The following SHANK2 variants were observed in gnomAD, a reference collection of about 807,000 sequenced individuals.
SHANK2 encodes the protein SH3 and multiple ankyrin repeat domains 2, also known as SH3 and multiple ankyrin repeat domains protein 2.
SHANK2 carries 43 observed loss-of-function variants against 133.7 expected under a neutral mutation model. The observed-to-expected ratio is 0.32, with a 90% confidence interval of 0.25 to 0.41. The LOEUF (loss-of-function observed/expected upper bound fraction) is 0.41, where lower values mean the gene tolerates loss of function less well. Ranked by LOEUF, SHANK2 falls within the 10% of genes least tolerant of loss-of-function variation. The pLI is 1.00. For missense variants in SHANK2, 1,994 were observed against 2,235.8 expected (o/e 0.89, Z 2.18); for synonymous variants, 1,017 against 952.8 (o/e 1.07, Z -1.24).
chr11:71,220,227 C>T (rs1263422629), intron 2 of SHANK2, among the ~76,000 whole-genome samples: 2 of 151,950 alleles, frequency 1.3e-5, no homozygotes. Context: ...AGAGTGAGAC[C>T]CAGTCTCAAA....
intron 2 of SHANK2, among the ~76,000 whole-genome samples, chr11:71,220,979 T>C (rs1413562741): frequency 6.6e-6 from 1 of 152,120 alleles, no homozygotes; most frequent in East Asian, 1.9e-4. Flanking sequence ...GGCAGGTGGA[T>C]CACTTGAGGT....
chr11:71,186,689 C>G (rs556973509), intron 2 of SHANK2, among the ~76,000 whole-genome samples: 9 of 152,354 alleles, frequency 5.9e-5, no homozygotes, highest in Non-Finnish European at 1.5e-5. Flanking sequence ...GAAGTTCCCT[C>G]CAAAGTGGAG....
rs556412006 is a variant in SHANK2 at position 70,486,822 on chromosome 11, G to A, written c.3471C>T (p.Phe1157=). 22 of 1,612,570 alleles carry A rather than the reference G, an allele frequency of 1.4e-5. 1 individual carries two copies. In the Admixed American group the frequency reaches 1.5e-4, roughly 11 times the overall value. ...SATPREPENH[F]VGGAEASAPG... ...GAGCACTGGCCTCGGCGCCACCCAC[G>A]AAATGGTTTTCGGGCTCCCTGGGCG... Residue 1157 remains phenylalanine, a synonymous_variant, in exon 25 of 26, where the codon TTC becomes TTT. Transcript: ENST00000601538. The surrounding 1 kb of genome is among the most constrained non-coding windows in gnomAD (Gnocchi z 8.0).
chr11:70,505,350 T>G (rs1565080105), intron 17 of SHANK2, among the ~76,000 whole-genome samples: 1 of 151,130 alleles, frequency 6.6e-6, no homozygotes, highest in Non-Finnish European at 1.5e-5. Flanking sequence ...CAAACACACG[T>G]GGGGGGGCAC....
intron 11 of SHANK2, among the ~76,000 whole-genome samples, chr11:70,860,137 A>T (rs1185512251): frequency 6.6e-6 from 1 of 152,138 alleles, no homozygotes; most frequent in Non-Finnish European, 1.5e-5. Context: ...TTCTCTCAGA[A>T]GCCTCTTTGC....
chr11:70,489,979 A>ACC, intron 23 of SHANK2: 1 of 178,808 alleles, frequency 5.6e-6, no homozygotes, highest in Admixed American at 8.8e-5. Flanking sequence ...CACCCCGCCC[A>ACC]CCCTCCCGCT....
chr11:71,062,172 T>A (rs1482390791), intron 9 of SHANK2, among the ~76,000 whole-genome samples: 1 of 152,052 alleles, frequency 6.6e-6, no homozygotes, highest in East Asian at 1.9e-4. Context: ...CCCAGGCTGG[T>A]CTCCATCTCC....
intron 14 of SHANK2, among the ~76,000 whole-genome samples, chr11:70,716,718 G>A (rs770803630): frequency 2.0e-5 from 3 of 152,224 alleles, no homozygotes; most frequent in Admixed American, 6.5e-5. Flanking sequence ...GATTCTACAC[G>A]TCGCTGACAA....
chr11:70,529,277 T>A (rs1213665865), intron 17 of SHANK2, among the ~76,000 whole-genome samples: 1 of 152,184 alleles, frequency 6.6e-6, no homozygotes, highest in Non-Finnish European at 1.5e-5. Context: ...AGCAGCCCTG[T>A]CAGCAGCCAC....
At chr11:70,616,474 C>T (rs1025751092) in intron 17 of SHANK2, among the ~76,000 whole-genome samples, 3 of 152,012 alleles carry the variant, frequency 2.0e-5, no homozygotes, top group Non-Finnish European at 4.4e-5. Flanking sequence ...CCGAGGAGGG[C>T]GCTGGGTGGT....
In SHANK2 at chr11:70,787,409, A is replaced by G. The variant is rs543644672; in HGVS notation, c.1777+11034T>C. On this transcript the variant is annotated intron_variant, in intron 14 of 25. Transcript: ENST00000601538. Reference sequence around the variant, plus strand: ...TAGGATCACCACTATCATCACCGTGACCACCACCACCACCAGCATCACCAC... The same window carrying G: ...TAGGATCACCACTATCATCACCGTGGCCACCACCACCACCAGCATCACCAC... Among the ~76,000 whole-genome samples, 1,244 of 147,756 alleles carry G rather than the reference A, an allele frequency of 8.4e-3. 8 individuals carry two copies. The highest frequency in any genetic ancestry group is 0.03 in the African/African-American group (1,156 of 39,110).
At chr11:70,512,462 T>C (rs1433645117) in intron 17 of SHANK2, among the ~76,000 whole-genome samples, 2 of 152,248 alleles carry the variant, frequency 1.3e-5, no homozygotes, top group African/African-American at 2.4e-5. Context: ...TTAAACTCTA[T>C]AGTATACTAT....
At chr11:70,609,022 A>C (rs2060618657) in intron 17 of SHANK2, among the ~76,000 whole-genome samples, 1 of 152,222 alleles carries the variant, frequency 6.6e-6, no homozygotes, top group African/African-American at 2.4e-5. Context: ...AAACCCTGGG[A>C]TGAAACGGGA....
chr11:70,607,190 G>T (rs1554992723), intron 17 of SHANK2, among the ~76,000 whole-genome samples: 2 of 152,256 alleles, frequency 1.3e-5, no homozygotes, highest in South Asian at 2.1e-4. Context: ...GGTCTGGGAA[G>T]AATGTGGCTC....
At chr11:70,904,966 G>A (rs527381762) in intron 10 of SHANK2, among the ~76,000 whole-genome samples, 1 of 152,278 alleles carries the variant, frequency 6.6e-6, no homozygotes, top group South Asian at 2.1e-4. Flanking sequence ...TTTCTTCCCA[G>A]TCTCAGGTAT....
chr11:71,217,318 C>T (rs1954433745), intron 2 of SHANK2, among the ~76,000 whole-genome samples: 1 of 152,000 alleles, frequency 6.6e-6, no homozygotes, highest in Non-Finnish European at 1.5e-5. Context: ...CCAGCCTGGC[C>T]AACATGGAGA....
rs1953428525 is a variant in SHANK2, at chr11:71,175,740, G to A, written c.-12-28402C>T. Among the ~76,000 whole-genome samples the A allele has an allele frequency of 6.6e-6, 1 of 152,160 alleles. No homozygotes were observed. Among genetic ancestry groups the A allele is most frequent in the African/African-American group, 2.4e-5 (1 of 41,440 alleles). Reference sequence around the variant, plus strand: ...AATAACATATATTTTCAAAGTATAGGACAGGATGCACAGGAGAGAGGAAAT... The same window carrying A: ...AATAACATATATTTTCAAAGTATAGAACAGGATGCACAGGAGAGAGGAAAT... On this transcript the variant is annotated intron_variant, in intron 2 of 25. Transcript: ENST00000601538. This position sits in a 1 kb window ranked among gnomAD's most constrained non-coding sequence, Gnocchi z 4.2.
intron 24 of SHANK2, among the ~76,000 whole-genome samples, chr11:70,488,763 A>G (rs2058847142): frequency 6.6e-6 from 1 of 152,242 alleles, no homozygotes; most frequent in African/African-American, 2.4e-5. Flanking sequence ...CCAGGGTCCA[A>G]GTGTGGCTGA....
At chr11:70,693,470 T>A (rs1337455168) in intron 15 of SHANK2, among the ~76,000 whole-genome samples, 1 of 152,146 alleles carries the variant, frequency 6.6e-6, no homozygotes, top group Non-Finnish European at 1.5e-5. Context: ...CAAAAGTCAC[T>A]TCTTCAGGGA....
Sources: allele counts gnomAD v4.1 joint callset (sites outside exome capture counted in the v4.1 genomes callset), GRCh38; gene constraint gnomAD v4.1.1; non-coding constraint Gnocchi (gnomAD v3.1); transcripts MANE v1.5; gene names NCBI Gene and HGNC (gene_info 2026-07-23, HGNC 2026-07-21).